MAPKAP1: variants seen among roughly 807,000 people sequenced by gnomAD.
MAPKAP1 encodes target of rapamycin complex 2 subunit MAPKAP1.
MAPKAP1 carries 20 observed loss-of-function variants against 65.7 expected under a neutral mutation model. The observed-to-expected ratio is 0.30, with a 90% confidence interval of 0.21 to 0.44. MAPKAP1 has a LOEUF of 0.44. Ranked by LOEUF, MAPKAP1 falls within the 20% of genes least tolerant of loss-of-function variation. The pLI, the probability that MAPKAP1 is intolerant of heterozygous loss-of-function variation, is 1.00. For synonymous variants in MAPKAP1, 222 were observed against 244.3 expected (o/e 0.91, Z 0.85); for missense variants, 423 against 648.0 (o/e 0.65, Z 3.77).
intron 4 of MAPKAP1, among the ~76,000 whole-genome samples, chr9:125,633,926 T>A (rs1444571825): frequency 6.6e-6 from 1 of 152,242 alleles, no homozygotes; most frequent in Non-Finnish European, 1.5e-5. Flanking sequence ...TGGTTTGCAG[T>A]AATAATCAGG....
intron 1 of MAPKAP1, among the ~76,000 whole-genome samples, chr9:125,685,707 A>G (rs1213257309): frequency 6.6e-6 from 1 of 152,242 alleles, no homozygotes; most frequent in Non-Finnish European, 1.5e-5. Flanking sequence ...CTAAACTTCT[A>G]AACTCTCAAG....
intron 1 of MAPKAP1, among the ~76,000 whole-genome samples, chr9:125,698,316 T>TATATATATATATATAAA (rs1835485299): frequency 4.6e-5 from 4 of 86,640 alleles, no homozygotes; most frequent in African/African-American, 2.1e-4. Context: ...TATATATATA[T>TATATATATATATATAAA]ATATATATAT....
intron 10 of MAPKAP1, among the ~76,000 whole-genome samples, chr9:125,461,078 G>A (rs1300942637): frequency 6.6e-6 from 1 of 152,216 alleles, no homozygotes; most frequent in Non-Finnish European, 1.5e-5. Context: ...CTGCCAAACT[G>A]TTCCCTGAAA....
intron 4 of MAPKAP1, among the ~76,000 whole-genome samples, chr9:125,597,851 C>T (rs1449698578): frequency 1.3e-5 from 2 of 152,100 alleles, no homozygotes; most frequent in Non-Finnish European, 2.9e-5. Context: ...ACCTTTATCC[C>T]AACTTCCTCA....
chr9:125,642,049 T>A lies in MAPKAP1; in HGVS notation c.498+15602A>T, dbSNP rs1833593272. 2.0e-5 allele frequency among the ~76,000 whole-genome samples: 3 copies of A among 151,592 alleles called. No homozygotes were observed. The South Asian group carries it at 6.3e-4, about 32-fold the overall frequency. On this transcript the variant is annotated intron_variant, in intron 4 of 11. Transcript: ENST00000265960. ...TCTGTCTCAAATTAATTAGTTAATT[T>A]AAAAAATTAGGCCGGTGTGGTGGCA...
intron 7 of MAPKAP1, among the ~76,000 whole-genome samples, chr9:125,539,755 A>G (rs1358492497): frequency 6.6e-6 from 1 of 152,262 alleles, no homozygotes; most frequent in Non-Finnish European, 1.5e-5. Context: ...AAGAGGCTTC[A>G]TCTAATTCTT....
At chr9:125,508,849 T>C (rs1277520328) in intron 7 of MAPKAP1, among the ~76,000 whole-genome samples, 1 of 152,084 alleles carries the variant, frequency 6.6e-6, no homozygotes, top group African/African-American at 2.4e-5. Flanking sequence ...TTTTTAAAAA[T>C]AATAGCCCAA....
chr9:125,520,585 C>T (rs1589254171), intron 7 of MAPKAP1, among the ~76,000 whole-genome samples: 2 of 152,210 alleles, frequency 1.3e-5, no homozygotes, highest in Admixed American at 6.5e-5. Context: ...TGGACTTCTT[C>T]GTGCAACCCA....
At chr9:125,542,805 T>A (rs747004462) in intron 7 of MAPKAP1, 2 of 581,830 alleles carry the variant, frequency 3.4e-6, no homozygotes, top group Non-Finnish European at 3.2e-6. Flanking sequence ...TGTCTGAGTC[T>A]ACCACAAATT....
chr9:125,531,310 C>T (rs1473225200), intron 7 of MAPKAP1, among the ~76,000 whole-genome samples: 1 of 152,232 alleles, frequency 6.6e-6, no homozygotes, highest in East Asian at 1.9e-4. Context: ...CTCAGCAAGT[C>T]CTGCAACCTC....
At chr9:125,553,687 G>A (rs1830653627) in intron 6 of MAPKAP1, among the ~76,000 whole-genome samples, 1 of 152,196 alleles carries the variant, frequency 6.6e-6, no homozygotes, top group Admixed American at 6.5e-5. Flanking sequence ...GCAGTGCTGA[G>A]TTACAGAAAC....
chr9:125,527,537 A>G (rs921950481), intron 7 of MAPKAP1, among the ~76,000 whole-genome samples: 5 of 152,092 alleles, frequency 3.3e-5, no homozygotes, highest in Non-Finnish European at 5.9e-5. Context: ...CCATTCAACT[A>G]CTTAGATAAG....
intron 7 of MAPKAP1, among the ~76,000 whole-genome samples, chr9:125,516,155 G>A (rs1197698645): frequency 6.6e-6 from 1 of 152,178 alleles, no homozygotes; most frequent in Non-Finnish European, 1.5e-5. Context: ...CCGTCTACAA[G>A]ACAAATCACT....
At chr9:125,531,014 G>A (rs1829918700) in intron 7 of MAPKAP1, among the ~76,000 whole-genome samples, 1 of 152,222 alleles carries the variant, frequency 6.6e-6, no homozygotes, top group Admixed American at 6.5e-5. Flanking sequence ...AGACAACTGA[G>A]GTCAGAAGGG....
At chr9:125,633,872 C>T (rs1425382672) in intron 4 of MAPKAP1, among the ~76,000 whole-genome samples, 2 of 152,168 alleles carry the variant, frequency 1.3e-5, no homozygotes, top group East Asian at 3.8e-4. Flanking sequence ...TATGCACTTT[C>T]TATTTAGCAA....
intron 5 of MAPKAP1, among the ~76,000 whole-genome samples, chr9:125,583,783 G>C (rs1589311553): frequency 6.6e-6 from 1 of 152,216 alleles, no homozygotes; most frequent in East Asian, 1.9e-4. Context: ...TACATCAAAG[G>C]CTGGGTGCAG....
At chr9:125,596,308 A>G (rs1832124171) in intron 4 of MAPKAP1, 2 of 760,736 alleles carry the variant, frequency 2.6e-6, no homozygotes, top group Non-Finnish European at 4.8e-6. Flanking sequence ...AGGAATGACA[A>G]CTTTGGTCAT....
chr9:125,487,670 T>G (rs778129929), intron 8 of MAPKAP1, among the ~76,000 whole-genome samples: 8 of 151,476 alleles, frequency 5.3e-5, no homozygotes, highest in Non-Finnish European at 1.2e-4. Context: ...TGATGTTGGA[T>G]TAAAACCAAT....
chr9:125,503,880 CT>C (rs35867576), intron 8 of MAPKAP1, among the ~76,000 whole-genome samples: 46 of 66,242 alleles, frequency 6.9e-4, no homozygotes, highest in African/African-American at 3.0e-3. Flanking sequence ...CCACGCTTGG[CT>C]TTTTTTTTTT....
Sources: gnomAD v4.1 joint callset for allele counts (sites outside exome capture counted in the v4.1 genomes callset) on GRCh38, gnomAD v4.1.1 for gene constraint, MANE v1.5 for transcripts, NCBI Gene and HGNC (gene_info 2026-07-23, HGNC 2026-07-21) for gene names.